PODNL1: variants seen among roughly 807,000 people sequenced by gnomAD.
The protein encoded by PODNL1 is podocan-like protein 1.
PODNL1 carries 50 observed loss-of-function variants against 45.1 expected under a neutral mutation model. The ratio of observed to expected loss-of-function variants is 1.11; its 90% CI spans 0.88 to 1.40. The LOEUF is 1.40. Ranked by LOEUF, PODNL1 falls within the 40% of genes most tolerant of loss-of-function variation. The probability of loss-of-function intolerance (pLI) is 0.00; values close to 1 mark genes in which losing one functional copy is unlikely to be tolerated. For synonymous variants in PODNL1, 406 were observed against 372.5 expected (o/e 1.09, Z -1.04); for missense variants, 788 against 793.3 (o/e 0.99, Z 0.08).
Position 13,934,296 on chromosome 19 carries a change from C to T in PODNL1, c.609G>A (p.Leu203=). The T allele has an allele frequency of 6.5e-7, 1 of 1,537,014 alleles. No individual in the cohort carries two copies. Among genetic ancestry groups the T allele is most frequent in the South Asian group, 1.3e-5 (1 of 78,688 alleles). ...LSLSNNQLSY[L]PPSLPPSLER... is the part of the protein sequence containing the mutation. ...CGAGTGAGGGCGGCAGGCTGGGCGG[C>T]AGGTAGCTGAGCTGGTTGTTGGAGA... The change falls in exon 6 of 10, where the codon CTG becomes CTA. Residue 203 remains leucine (L), a synonymous_variant. Coordinates refer to ENST00000588872, the MANE Select transcript of PODNL1 (RefSeq NM_001370095.3).
chr19:13,933,925 G>C lies in PODNL1; in HGVS notation c.720C>G (p.Leu240=), dbSNP rs199988472. Reference sequence around the variant, plus strand: ...CACTGTCTGTCAGCTGGTTGTGCTGGAGGTAGAGCTCACGGAGTTGAGTCT... The same window carrying C: ...CACTGTCTGTCAGCTGGTTGTGCTGCAGGTAGAGCTCACGGAGTTGAGTCT... ...SRQTQLRELY[L]QHNQLTDSGL... Residue 240 remains leucine (L), a synonymous_variant, in exon 7 of 10, where the codon CTC becomes CTG. Transcript: ENST00000588872. The surrounding 1 kb of genome is among the most constrained non-coding windows in gnomAD (Gnocchi z 5.2). 87 of 1,612,754 alleles carry C rather than the reference G, an allele frequency of 5.4e-5. No individual in the cohort carries two copies. Among genetic ancestry groups the C allele is most frequent in the Admixed American group, 3.2e-4 (19 of 59,856 alleles).
Position 13,937,865 on chromosome 19 carries a change from C to T in PODNL1, c.145G>A (p.Asp49Asn), listed in dbSNP as rs2145439594. Residue 49 changes from aspartate (D) to asparagine (N), a missense_variant, in exon 2 of 10, where the codon GAC (aspartate) becomes AAC (asparagine). By Grantham distance (23) the Asp-to-Asn change is conservative. This residue lies in a region of PODNL1 where 762 missense variants were observed against 750.9 expected (regional missense o/e 1.01). Coordinates refer to ENST00000588872, the MANE Select transcript of PODNL1 (RefSeq NM_001370095.3). Reference protein sequence around the residue: ...CPLRCSCPRVDTVDCDGLDLR... With the variant: ...CPLRCSCPRVNTVDCDGLDLR... Reference sequence around the variant, plus strand: ...TCCAAGCCATCACAGTCCACAGTGTCGACTCGGGGGCAGGAGCAGCGCAGG... The same window carrying T: ...TCCAAGCCATCACAGTCCACAGTGTTGACTCGGGGGCAGGAGCAGCGCAGG... The T allele has an allele frequency of 1.3e-6, 2 of 1,589,344 alleles. No homozygotes were observed. The highest frequency in any genetic ancestry group is 1.1e-5 in the South Asian group (1 of 87,268).
intron 2 of PODNL1, 62 bp downstream of exon 2, chr19:13,937,723 C>T (rs1972465143): frequency 6.7e-7 from 1 of 1,482,166 alleles, no homozygotes; most frequent in African/African-American, 1.4e-5. Context: ...GGGCACCCCT[C>T]CAGCTCCCCT....
chr19:13,943,114 T>C (rs1972706282), upstream of PODNL1, among the ~76,000 whole-genome samples: 1 of 151,066 alleles, frequency 6.6e-6, no homozygotes, highest in Admixed American at 6.6e-5. Flanking sequence ...CTGACAAACA[T>C]GGATAAACCC....
At chr19:13,942,865 G>C (rs1312426403), upstream of PODNL1, among the ~76,000 whole-genome samples, 2 of 151,898 alleles carry the variant, frequency 1.3e-5, no homozygotes, top group Non-Finnish European at 2.9e-5. Context: ...GCTGTGTATG[G>C]TGGTGCACAC....
In PODNL1 at chr19:13,933,742, C is replaced by T; in HGVS notation, c.767+136G>A. On this transcript the variant is annotated intron_variant, in intron 7 of 9. Transcript: ENST00000588872. The surrounding 1 kb of genome is among the most constrained non-coding windows in gnomAD (Gnocchi z 5.2). Reference sequence around the variant, plus strand: ...GGGGAACAGGGACACCTACCCAGTGCTCTGCCGAGCCCAGTGAGCAGCAGG... The same window carrying T: ...GGGGAACAGGGACACCTACCCAGTGTTCTGCCGAGCCCAGTGAGCAGCAGG... 1.3e-6 allele frequency: 1 copy of T among 769,368 alleles called. No individual in the cohort carries two copies. Among genetic ancestry groups the T allele is most frequent in the Non-Finnish European group, 2.1e-6 (1 of 468,464 alleles). The allele number at this position is 769,368 out of a possible 1,614,324, so 47.7% of individuals were successfully genotyped here.
At chr19:13,952,895 G>T in intron 1 of PODNL1, 3 of 592,038 alleles carry the variant, frequency 5.1e-6, no homozygotes, top group Non-Finnish European at 7.9e-6. Context: ...TGGGGGCGGG[G>T]CCCCAGGGAG....
intron 8 of PODNL1, 160 bp downstream of exon 8, chr19:13,932,638 G>A (rs942557115): frequency 2.6e-6 from 4 of 1,532,282 alleles, no homozygotes; most frequent in Non-Finnish European, 3.5e-6. Flanking sequence ...TTACAGGCAT[G>A]AGCCACCTCA....
rs1392801292 is a variant in PODNL1 at position 13,933,933 on chromosome 19, G to C, written c.712C>G (p.Leu238Val). ...GTCAGCTGGTTGTGCTGGAGGTAGA[G>C]CTCACGGAGTTGAGTCTGGCGGCTC... is the stretch of plus-strand genomic sequence containing the variant. ...ALSRQTQLRELYLQHNQLTDS... is the reference protein window; with the variant it reads ...ALSRQTQLREVYLQHNQLTDS... Residue 238 changes from leucine (L) to valine (V), a missense_variant, in exon 7 of 10, where the codon CTC (leucine) becomes GTC (valine). By Grantham distance (32) the Leu-to-Val change is conservative. This residue lies in a region of PODNL1 where 762 missense variants were observed against 750.9 expected (regional missense o/e 1.01). Transcript: ENST00000588872. The surrounding 1 kb of genome is among the most constrained non-coding windows in gnomAD (Gnocchi z 5.2). The C allele has an allele frequency of 1.5e-5, 24 of 1,612,734 alleles. No homozygotes were observed. Among genetic ancestry groups the C allele is most frequent in the Non-Finnish European group, 2.0e-5 (24 of 1,179,506 alleles).
Position 13,932,992 on chromosome 19 carries a change from T to A in PODNL1, c.1231A>T (p.Asn411Tyr). The part of the protein sequence containing the change: ...RALRSLDLAG[N>Y]QLTRLPMGLP... ...CCCATGGGCAGCCGGGTTAGCTGAT[T>A]CCCTGCCAGGTCGAGGCTGCGCAGG... The change falls in exon 8 of 10, where the codon AAT becomes TAT. Residue 411 changes from asparagine (N) to tyrosine (Y), a missense_variant. Transcript: ENST00000588872. 1.9e-6 allele frequency: 3 copies of A among 1,549,038 alleles called. No individual in the cohort carries two copies. The highest frequency in any genetic ancestry group is 2.6e-6 in the Non-Finnish European group (3 of 1,153,106).
chr19:13,938,766 G>A (rs545292538), upstream of PODNL1, among the ~76,000 whole-genome samples: 2 of 126,094 alleles, frequency 1.6e-5, no homozygotes, highest in East Asian at 4.3e-4. Context: ...TCCTCCCCCC[G>A]CAAATGGCCA....
chr19:13,952,030 C>T (rs2145475934), intron 1 of PODNL1, among the ~76,000 whole-genome samples: 1 of 152,314 alleles, frequency 6.6e-6, no homozygotes, highest in South Asian at 2.1e-4. Context: ...TTTTGTAAAT[C>T]TCTTTCCTCG....
chr19:13,937,570 C>T (rs1181379144), intron 2 of PODNL1, among the ~76,000 whole-genome samples: 2 of 152,024 alleles, frequency 1.3e-5, no homozygotes, highest in Non-Finnish European at 2.9e-5. Context: ...CCTCAGTCCC[C>T]GACAACTTCC....
At chr19:13,940,188 C>T (rs1223554699), upstream of PODNL1, among the ~76,000 whole-genome samples, 1 of 151,976 alleles carries the variant, frequency 6.6e-6, no homozygotes, top group East Asian at 1.9e-4. Flanking sequence ...CTTTTGGAGG[C>T]TGAGGCAGGA....
rs1449779089 is a variant in PODNL1, at chr19:13,934,442, G to A, written c.495-32C>T. 6 of 1,468,034 alleles carry A rather than the reference G, an allele frequency of 4.1e-6. 1 individual carries two copies. The South Asian group carries it at 7.1e-5, about 17-fold the overall frequency. 90.9% of individuals were successfully genotyped at this position (1,468,034 alleles called of 1,614,324 possible). A position where few individuals can be genotyped will look rare whatever the true frequency, so the allele number is the denominator to read the frequency against. On this transcript the variant is annotated intron_variant, in intron 5 of 9. Coordinates refer to ENST00000588872, the MANE Select transcript of PODNL1 (RefSeq NM_001370095.3). ...AGAGCCAGGCTCCGGCCACCAGCCT[G>A]CCCCTCGCCTCCTACCACCCCACTC...
chr19:13,935,666 G>A, intron 5 of PODNL1, 55 bp downstream of exon 5: 1 of 1,318,304 alleles, frequency 7.6e-7, no homozygotes, highest in Non-Finnish European at 1.0e-6. Context: ...CCTAGAACCG[G>A]GGCATGACAC....
Position 13,933,017 on chromosome 19 carries a change from G to A in PODNL1, c.1206C>T (p.Ala402=). The A allele has an allele frequency of 6.5e-7, 1 of 1,540,364 alleles. No individual in the cohort carries two copies. Among genetic ancestry groups the A allele is most frequent in the Non-Finnish European group, 8.7e-7 (1 of 1,148,688 alleles). Residue 402 remains alanine, a synonymous_variant, in exon 8 of 10, where the codon GCC becomes GCT. Coordinates refer to ENST00000588872, the MANE Select transcript of PODNL1 (RefSeq NM_001370095.3). This position sits in a 1 kb window ranked among gnomAD's most constrained non-coding sequence, Gnocchi z 5.2. ...TCCCTGCCAGGTCGAGGCTGCGCAG[G>A]GCACGCAACCGGCGGAAGGCCCGGT... ...VHHRAFRRLR[A]LRSLDLAGNQ...
rs113155307 is a variant in PODNL1 at position 13,945,886 on chromosome 19, T to TAA, written c.18+7231_18+7232dup. On this transcript the variant is annotated intron_variant, in intron 1 of 7. Coordinates refer to the PODNL1 transcript ENST00000538371. Reference sequence around the variant, plus strand: ...CCTGGGCGACAGAGCGAGACTCCATTAAAAAAAAAAAAACAAACTTTTTAA... The same window carrying TAA: ...CCTGGGCGACAGAGCGAGACTCCATTAAAAAAAAAAAAAAACAAACTTTTTAA... 7.1e-3 allele frequency among the ~76,000 whole-genome samples: 990 copies of TAA among 138,754 alleles called. 7 individuals are homozygous for TAA. Among genetic ancestry groups the TAA allele is most frequent in the African/African-American group, 0.016 (613 of 38,006 alleles). 91.0% of individuals were successfully genotyped at this position (138,754 alleles called of 152,430 possible).
chr19:13,946,444 AT>A (rs943935379), intron 1 of PODNL1, among the ~76,000 whole-genome samples: 1 of 151,516 alleles, frequency 6.6e-6, no homozygotes, highest in Non-Finnish European at 1.5e-5. Flanking sequence ...AAAAAAAAAA[AT>A]TGAGTTTCTA....
Sources: gnomAD v4.1 joint callset for allele counts (sites outside exome capture counted in the v4.1 genomes callset) on GRCh38, gnomAD v4.1.1 for gene constraint, gnomAD v4.1.1 regional missense constraint, Gnocchi (gnomAD v3.1) non-coding constraint, MANE v1.5 for transcripts, NCBI Gene and HGNC (gene_info 2026-07-23, HGNC 2026-07-21) for gene names.